PRRC2B: variants seen among roughly 807,000 people sequenced by gnomAD.
PRRC2B encodes proline rich coiled-coil 2B.
Under a neutral mutation model 242.3 loss-of-function variants are expected in PRRC2B, and 68 were observed. That is an observed-to-expected ratio of 0.28 (90% CI 0.23 to 0.34). PRRC2B has a LOEUF of 0.34. PRRC2B is among the 10% of genes least tolerant of loss of function. The pLI is 1.00. For missense variants in PRRC2B, 2,835 were observed against 2,954.8 expected (o/e 0.96, Z 0.94); for synonymous variants, 1,228 against 1,173.6 (o/e 1.05, Z -0.95).
intron 1 of PRRC2B, among the ~76,000 whole-genome samples, chr9:131,413,556 C>T (rs555426465): frequency 3.5e-4 from 53 of 152,312 alleles, no homozygotes; most frequent in African/African-American, 5.1e-4. Flanking sequence ...TTAGTGGAGA[C>T]GTGCTCTCAC....
intron 1 of PRRC2B, among the ~76,000 whole-genome samples, chr9:131,422,264 A>T (rs1037917928): frequency 6.6e-6 from 1 of 152,130 alleles, no homozygotes; most frequent in Admixed American, 6.5e-5. Context: ...CATGTTGGCC[A>T]GCATGGTCTC....
intron 1 of PRRC2B, among the ~76,000 whole-genome samples, chr9:131,388,286 G>A (rs1836851812): frequency 7.0e-6 from 1 of 142,688 alleles, no homozygotes; most frequent in African/African-American, 2.5e-5. Flanking sequence ...TGTTGCCCAG[G>A]CTGGAGTGCA....
chr9:131,484,800 G>A lies in PRRC2B; in HGVS notation c.5565+10G>A, dbSNP rs758992584. ...CGACCTTACTCTGAAGGTAACACCAGCCCTGAGCTGGGTGAGGGCCCACCC... is the reference window on the plus strand; with the variant it reads ...CGACCTTACTCTGAAGGTAACACCAACCCTGAGCTGGGTGAGGGCCCACCC... On this transcript the variant is annotated intron_variant, in intron 24 of 31. Transcript: ENST00000683519. 1 of 1,598,288 alleles carries A rather than the reference G, an allele frequency of 6.3e-7. No individual in the cohort carries two copies. Among genetic ancestry groups the A allele is most frequent in the East Asian group, 2.2e-5 (1 of 44,640 alleles).
chr9:131,491,391 A>C, intron 28 of PRRC2B, 34 bp from the exon 29 acceptor site: 1 of 1,553,358 alleles, frequency 6.4e-7, no homozygotes, highest in Non-Finnish European at 8.7e-7. Flanking sequence ...CCATAGCATC[A>C]TTCCCCCTCC....
At position 131,444,286 on chromosome 9, in the gene PRRC2B, T is replaced by G; in HGVS notation, c.571T>G (p.Leu191Val). 2 of 1,613,674 alleles carry G rather than the reference T, an allele frequency of 1.2e-6. No individual in the cohort carries two copies. Among genetic ancestry groups the G allele is most frequent in the Non-Finnish European group, 1.7e-6 (2 of 1,179,736 alleles). The change falls in exon 6 of 32, where the codon TTA (leucine) becomes GTA (valine). Residue 191 changes from leucine (L) to valine (V), a missense_variant. Leu to Val is a conservative substitution (Grantham distance 32, BLOSUM62 1). Coordinates refer to ENST00000683519, the MANE Select transcript of PRRC2B (RefSeq NM_013318.4). ...CAAGGCTGGCAAAGAAAAGGGCGTCTTAGATCTGTCGTATGGGCCAGGACC... is the reference window on the plus strand; with the variant it reads ...CAAGGCTGGCAAAGAAAAGGGCGTCGTAGATCTGTCGTATGGGCCAGGACC... ...QDKAGKEKGV[L>V]DLSYGPGPSL...
chr9:131,414,318 C>T (rs1377286029), intron 1 of PRRC2B, among the ~76,000 whole-genome samples: 2 of 146,592 alleles, frequency 1.4e-5, no homozygotes, highest in African/African-American at 5.0e-5. Flanking sequence ...TAGAATAAAA[C>T]ATAGGATATC....
Position 131,495,757 on chromosome 9 carries a change from T to C in PRRC2B, c.6573T>C (p.Asp2191=), listed in dbSNP as rs778999425. 3 of 1,611,916 alleles carry C rather than the reference T, an allele frequency of 1.9e-6. No individual in the cohort carries two copies. In the African/African-American group the frequency reaches 4.0e-5, roughly 21 times the overall value. ...GTCCAAAGGCAAAACAACGAGTGGATGAGAAACCCAGCCTGGGAGCCGTGA... is the reference window on the plus strand; with the variant it reads ...GTCCAAAGGCAAAACAACGAGTGGACGAGAAACCCAGCCTGGGAGCCGTGA... ...HYVQQAKQRV[D]EKPSLGAVKL... Residue 2191 remains aspartate (D), a synonymous_variant, in exon 32 of 32, where the codon GAT becomes GAC. Transcript: ENST00000683519.
chr9:131,391,369 C>T (rs1231676844), upstream of PRRC2B, among the ~76,000 whole-genome samples: 1 of 152,078 alleles, frequency 6.6e-6, no homozygotes, highest in Non-Finnish European at 1.5e-5. Context: ...GCTTCATCAA[C>T]CACATCTTCT....
chr9:131,488,129 A>C, intron 28 of PRRC2B, 33 bp downstream of exon 28: 1 of 1,594,708 alleles, frequency 6.3e-7, no homozygotes, highest in Non-Finnish European at 8.6e-7. Flanking sequence ...CCAAAGCCCT[A>C]GGCTTCTTTC....
At chr9:131,375,572 G>T (rs1027249566) in intron 1 of PRRC2B, among the ~76,000 whole-genome samples, 1 of 152,130 alleles carries the variant, frequency 6.6e-6, no homozygotes, top group Admixed American at 6.6e-5. Flanking sequence ...GCAGGTAGGA[G>T]CTCGCCATGT....
In PRRC2B at chr9:131,439,080, GTGT is replaced by G. The variant is rs1564284319; in HGVS notation, c.469+24_469+26del. 6.2e-7 allele frequency: 1 copy of G among 1,610,346 alleles called. No individual in the cohort carries two copies. On this transcript the variant is annotated intron_variant, in intron 5 of 31. Coordinates refer to ENST00000683519, the MANE Select transcript of PRRC2B (RefSeq NM_013318.4). ...GAAGGTGGTAAGTGCGCACGTGTGTGTGTTGTTTGGGGACGCTGGGGAGAGGGA... is the reference window on the plus strand; with the variant it reads ...GAAGGTGGTAAGTGCGCACGTGTGTGTGTTTGGGGACGCTGGGGAGAGGGA...
chr9:131,500,102 T>C lies in PRRC2B; in HGVS notation c.*4228T>C, dbSNP rs1944425469. 1 of 152,216 alleles carries C rather than the reference T, an allele frequency of 6.6e-6. No homozygotes were observed. Among genetic ancestry groups the C allele is most frequent in the Admixed American group, 6.5e-5 (1 of 15,288 alleles). 9.4% of individuals were successfully genotyped at this position (152,216 alleles called of 1,614,324 possible). A position where few individuals can be genotyped will look rare whatever the true frequency, so the allele number is the denominator to read the frequency against. On this transcript the variant is annotated 3_prime_UTR_variant, in exon 32 of 32. Transcript: ENST00000683519. The stretch of plus-strand genomic sequence containing the variant: ...CCCTCGCCCTTTCCCTCCGGTTCAG[T>C]ACCTATTGTTTCTCCTTTCAAATAT...
chr9:131,465,158 C>T (rs1464717234), intron 12 of PRRC2B, 80 bp downstream of exon 12: 13 of 1,355,412 alleles, frequency 9.6e-6, no homozygotes, highest in Non-Finnish European at 1.2e-5. Flanking sequence ...TGCCTTCCTT[C>T]TTAGCTAGCA....
At chr9:131,488,967 C>T (rs1183221115) in intron 28 of PRRC2B, among the ~76,000 whole-genome samples, 1 of 152,094 alleles carries the variant, frequency 6.6e-6, no homozygotes, top group African/African-American at 2.4e-5. Flanking sequence ...GCAGAGATGA[C>T]CCCGGGTCTC....
chr9:131,477,611 C>T (rs1170599547), intron 16 of PRRC2B, 133 bp from the exon 17 acceptor site: 2 of 619,948 alleles, frequency 3.2e-6, no homozygotes, highest in East Asian at 2.8e-5. Flanking sequence ...CCTGCCGCTC[C>T]TCCCCACCCG....
At position 131,464,905 on chromosome 9, in the gene PRRC2B, G is replaced by C; in HGVS notation, c.1547G>C (p.Arg516Pro). The C allele has an allele frequency of 6.2e-7, 1 of 1,613,804 alleles. No individual in the cohort carries two copies. Among genetic ancestry groups the C allele is most frequent in the Non-Finnish European group, 8.5e-7 (1 of 1,179,824 alleles). ...ARKRREEEERRAREERLAACA... is the reference protein window; with the variant it reads ...ARKRREEEERPAREERLAACA... The stretch of plus-strand genomic sequence containing the variant: ...AAGCGCCGGGAAGAAGAGGAGCGCC[G>C]AGCCCGGGAGGAGAGGCTGGCCGCC... Residue 516 changes from arginine (R) to proline (P), a missense_variant, in exon 12 of 32, where the codon CGA becomes CCA. Around this residue, in one of 7 missense-constraint regions of PRRC2B, gnomAD observed 626 missense variants for 685.5 expected, o/e 0.91. Transcript: ENST00000683519.
intron 28 of PRRC2B, chr9:131,490,707 A>G (rs1011485494): frequency 4.5e-6 from 2 of 440,494 alleles, no homozygotes; most frequent in Non-Finnish European, 9.1e-6. Context: ...AGCATGCTTC[A>G]AAGGACCCCC....
intron 1 of PRRC2B, among the ~76,000 whole-genome samples, chr9:131,380,650 G>A (rs1324249587): frequency 1.3e-5 from 2 of 151,772 alleles, no homozygotes; most frequent in East Asian, 3.9e-4. Context: ...AGGCTGAGGC[G>A]GGAGAATTAC....
upstream of PRRC2B, among the ~76,000 whole-genome samples, chr9:131,390,140 C>T (rs1319128537): frequency 6.7e-6 from 1 of 149,908 alleles, no homozygotes; most frequent in African/African-American, 2.4e-5. Context: ...GTCTTGATCT[C>T]CTGACCTCGT....
Sources: gnomAD v4.1 joint callset for allele counts (sites outside exome capture counted in the v4.1 genomes callset) on GRCh38, gnomAD v4.1.1 for gene constraint, gnomAD v4.1.1 regional missense constraint, MANE v1.5 for transcripts, NCBI Gene and HGNC (gene_info 2026-07-23, HGNC 2026-07-21) for gene names.